CCDC197: variants seen among roughly 807,000 people sequenced by gnomAD.
CCDC197 encodes coiled-coil domain containing 197, also known as uncharacterized protein CCDC197.
CCDC197 carries 24 observed loss-of-function variants against 13.4 expected under a neutral mutation model. The ratio of observed to expected loss-of-function variants is 1.80; its 90% CI spans 1.30 to 2.53. The LOEUF (loss-of-function observed/expected upper bound fraction) is 2.53, where lower values mean the gene tolerates loss of function less well. Among genes scored for constraint, CCDC197 ranks in the 30% most tolerant of loss-of-function variants. CCDC197 has a pLI of 0.00. For synonymous variants in CCDC197, 99 were observed against 55.5 expected (o/e 1.78, Z -3.48); for missense variants, 255 against 148.8 (o/e 1.71, Z -3.71).
intron 5 of CCDC197, 55 bp from the exon 6 acceptor site, chr14:94,004,800 C>T: frequency 1.4e-6 from 1 of 691,572 alleles, no homozygotes; most frequent in Middle Eastern, 2.4e-4. Flanking sequence ...AGGGCAGGGG[C>T]AGGGGATGCT....
upstream of CCDC197, among the ~76,000 whole-genome samples, chr14:93,992,878 AGAG>A (rs1180140337): frequency 6.6e-6 from 1 of 152,260 alleles, no homozygotes; most frequent in South Asian, 2.1e-4. Flanking sequence ...TGAGGGCCTC[AGAG>A]GAGGTGGGGC....
At chr14:94,006,753 A>G (rs918519386) in intron 6 of CCDC197, among the ~76,000 whole-genome samples, 1 of 152,182 alleles carries the variant, frequency 6.6e-6, no homozygotes, top group African/African-American at 2.4e-5. Flanking sequence ...TCTATCTTGC[A>G]TGTTATCTTT....
In CCDC197 at chr14:94,002,234, CTT is replaced by C. The variant is rs1237581494; in HGVS notation, c.366+913_366+914del. Among the ~76,000 whole-genome samples, 23 of 152,250 alleles carry C rather than the reference CTT, an allele frequency of 1.5e-4. 1 individual carries two copies. The highest frequency in any genetic ancestry group is 5.5e-4 in the African/African-American group (23 of 41,542). On this transcript the variant is annotated intron_variant, in intron 4 of 6. Coordinates refer to ENST00000636493, the MANE Select transcript of CCDC197 (RefSeq NM_001351596.2). ...GTCCTGCGTCTGTCTTTCTCTCTCT[CTT>C]TCTTTCTTTCCCTCTCTCTCTCGCC...
rs750653898 is a variant in CCDC197, at chr14:94,004,947, C to T, written c.591C>T (p.Leu197=). 6 of 702,900 alleles carry T rather than the reference C, an allele frequency of 8.5e-6. No homozygotes were observed. In the South Asian group the frequency reaches 8.9e-5, roughly 10 times the overall value. The allele number at this position is 702,900 out of a possible 1,614,324, so 43.5% of individuals were successfully genotyped here. ...ACGGCGTGCCCAAGAGCATGGATCT[C>T]TTCTCCAAGCTCGATCTGATTAAGG... The part of the protein sequence containing the change: ...SAHGVPKSMD[L]FSKLDLIKEF... Residue 197 remains leucine (L), a synonymous_variant, in exon 6 of 7, where the codon CTC becomes CTT. Transcript: ENST00000636493.
At chr14:94,008,142 C>T (rs1890737800) in intron 6 of CCDC197, among the ~76,000 whole-genome samples, 2 of 152,218 alleles carry the variant, frequency 1.3e-5, no homozygotes, top group Non-Finnish European at 2.9e-5. Context: ...GGGTCCCAAG[C>T]AACAATCAGA....
intron 3 of CCDC197, 86 bp from the exon 4 acceptor site, chr14:94,001,058 TG>T (rs1057047208): frequency 2.5e-5 from 16 of 646,142 alleles, no homozygotes; most frequent in Non-Finnish European, 4.3e-5. Context: ...CTCAATTTTG[TG>T]GCCCCAGCTG....
intron 3 of CCDC197, among the ~76,000 whole-genome samples, chr14:94,000,451 A>T (rs560307944): frequency 5.9e-5 from 9 of 152,266 alleles, no homozygotes; most frequent in African/African-American, 2.2e-4. Context: ...CTTGGAGATC[A>T]GGGAAGGCTT....
At chr14:93,987,617 C>A (rs1890121105) in intron 1 of CCDC197, among the ~76,000 whole-genome samples, 4 of 152,128 alleles carry the variant, frequency 2.6e-5, no homozygotes, top group Admixed American at 2.6e-4. Flanking sequence ...GGGCACTGGG[C>A]CAGCAGCCTG....
downstream of CCDC197, among the ~76,000 whole-genome samples, chr14:94,011,597 C>T (rs1182917272): frequency 6.6e-6 from 1 of 152,246 alleles, no homozygotes; most frequent in Non-Finnish European, 1.5e-5. Flanking sequence ...CATGACCCTG[C>T]ACCTTCAAAG....
chr14:94,001,520 G>T lies in CCDC197; in HGVS notation c.366+197G>T, dbSNP rs1423987646. The T allele has an allele frequency of 5.8e-6, 3 of 513,112 alleles. No homozygotes were observed. In the African/African-American group the frequency reaches 5.9e-5, roughly 10 times the overall value. 31.8% of individuals were successfully genotyped at this position (513,112 alleles called of 1,614,324 possible). A position where few individuals can be genotyped will look rare whatever the true frequency, so the allele number is the denominator to read the frequency against. The stretch of plus-strand genomic sequence containing the variant: ...CCCTCTGCTGCCTGAGGCTCAGCTC[G>T]TGCCTAACGTTGTTCTGCGTGGTAG... On this transcript the variant is annotated intron_variant, in intron 4 of 6. Coordinates refer to ENST00000636493, the MANE Select transcript of CCDC197 (RefSeq NM_001351596.2).
chr14:93,996,892 G>T (rs79006337), upstream of CCDC197, among the ~76,000 whole-genome samples: 3,814 of 152,272 alleles, frequency 0.025, 108 homozygotes, highest in African/African-American at 0.064. Flanking sequence ...CCTTCAGCTT[G>T]CTCCCACCCC....
chr14:93,989,553 A>G lies in CCDC197; in HGVS notation c.-107+2157A>G, dbSNP rs150576445. Among the ~76,000 whole-genome samples, 920 of 152,328 alleles carry G rather than the reference A, an allele frequency of 6.0e-3. 12 individuals carry two copies. The highest frequency in any genetic ancestry group is 0.021 in the African/African-American group (888 of 41,574). ...CTAGGAAGCCATCAGGATTTCATCC[A>G]GATGCAATGATTCTCCTGGCTTTGG... On this transcript the variant is annotated intron_variant, in intron 1 of 7. Transcript: ENST00000640978.
intron 2 of CCDC197, 44 bp downstream of exon 2, chr14:93,998,279 TC>T: frequency 1.3e-6 from 1 of 758,932 alleles, no homozygotes; most frequent in Non-Finnish European, 2.4e-6. Flanking sequence ...CCCCAGTGCT[TC>T]CCCAGTGGGC....
At chr14:93,993,864 G>C (rs1341071484), upstream of CCDC197, among the ~76,000 whole-genome samples, 1 of 152,230 alleles carries the variant, frequency 6.6e-6, no homozygotes, top group Non-Finnish European at 1.5e-5. Context: ...AGGGGGTAGA[G>C]GCTAGTCTGG....
At chr14:93,998,576 C>G (rs1436010965) in intron 2 of CCDC197, among the ~76,000 whole-genome samples, 1 of 152,162 alleles carries the variant, frequency 6.6e-6, no homozygotes, top group East Asian at 1.9e-4. Flanking sequence ...CGCCTTGACT[C>G]TTAGTGGTGA....
At chr14:93,999,337 A>G (rs1890417557) in intron 2 of CCDC197, 1 of 492,902 alleles carries the variant, frequency 2.0e-6, no homozygotes, top group Admixed American at 3.7e-5. Context: ...TCTCCCCCAG[A>G]TACCTTCTTT....
rs560942980 is a variant in CCDC197 at position 94,006,355 on chromosome 14, T to TA, written c.615+1385dup. On this transcript the variant is annotated intron_variant, in intron 6 of 6. Coordinates refer to ENST00000636493, the MANE Select transcript of CCDC197 (RefSeq NM_001351596.2). ...GCCCATTAAAAAATTTGATTATTTG[T>TA]ATTTTTTTTTTTTTTGAGACAGAGT... is the stretch of plus-strand genomic sequence containing the variant. Among the ~76,000 whole-genome samples, 936 of 139,382 alleles carry TA rather than the reference T, an allele frequency of 6.7e-3. 13 individuals are homozygous for TA. The highest frequency in any genetic ancestry group is 0.042 in the South Asian group (184 of 4,374). 91.4% of individuals were successfully genotyped at this position (139,382 alleles called of 152,430 possible).
chr14:94,009,417 G>A (rs1244766137), downstream of CCDC197, among the ~76,000 whole-genome samples: 1 of 152,082 alleles, frequency 6.6e-6, no homozygotes, highest in Non-Finnish European at 1.5e-5. Flanking sequence ...CTCTGGGCTG[G>A]TTTTTCTACC....
Position 94,001,126 on chromosome 14 carries a change from C to T in CCDC197, c.188-19C>T, listed in dbSNP as rs1192281059. On this transcript the variant is annotated intron_variant, in intron 3 of 6. Coordinates refer to ENST00000636493, the MANE Select transcript of CCDC197 (RefSeq NM_001351596.2). ...CTGCAGGGGCACCCACCCATCCCGC[C>T]ATGGCGCTGTCTCCGTAGGCTGCAC... 3.9e-6 allele frequency: 3 copies of T among 760,650 alleles called. No homozygotes were observed. Among genetic ancestry groups the T allele is most frequent in the African/African-American group, 1.7e-5 (1 of 58,622 alleles). 47.1% of individuals were successfully genotyped at this position (760,650 alleles called of 1,614,324 possible).
Sources: allele counts gnomAD v4.1 joint callset (sites outside exome capture counted in the v4.1 genomes callset), GRCh38; gene constraint gnomAD v4.1.1; transcripts MANE v1.5; gene names NCBI Gene and HGNC (gene_info 2026-07-23, HGNC 2026-07-21).